USP22: variants seen among roughly 807,000 people sequenced by gnomAD.
USP22 encodes ubiquitin carboxyl-terminal hydrolase 22.
Under a neutral mutation model 68.1 loss-of-function variants are expected in USP22, and 22 were observed. The observed-to-expected ratio is 0.32, with a 90% CI of 0.23 to 0.46. The LOEUF (loss-of-function observed/expected upper bound fraction) is 0.46. Among genes scored for constraint, USP22 ranks in the 20% least tolerant of loss-of-function variants. The pLI, the probability that USP22 is intolerant of heterozygous loss-of-function variation, is 1.00. For synonymous variants in USP22, 279 were observed against 274.2 expected (o/e 1.02, Z -0.17); for missense variants, 433 against 695.8 (o/e 0.62, Z 4.25).
At chr17:21,014,769 A>C (rs1361160842) in intron 6 of USP22, among the ~76,000 whole-genome samples, 1 of 152,196 alleles carries the variant, frequency 6.6e-6, no homozygotes, top group Non-Finnish European at 1.5e-5. Flanking sequence ...AGTTAAAATT[A>C]ACTGATAGGA....
intron 12 of USP22, 133 bp from the exon 13 acceptor site, chr17:21,003,206 C>CT: frequency 9.7e-7 from 1 of 1,035,970 alleles, no homozygotes; most frequent in Non-Finnish European, 1.5e-6. Context: ...ATGGTTTTGG[C>CT]TTTTTAGTCC....
At chr17:21,033,276 G>T (rs1366145564) in intron 1 of USP22, among the ~76,000 whole-genome samples, 1 of 152,226 alleles carries the variant, frequency 6.6e-6, no homozygotes, top group African/African-American at 2.4e-5. Flanking sequence ...AGTAGATTCA[G>T]TAGACTGCAA....
intron 1 of USP22, among the ~76,000 whole-genome samples, chr17:21,039,054 C>A (rs1404524276): frequency 6.6e-6 from 1 of 151,940 alleles, no homozygotes; most frequent in Non-Finnish European, 1.5e-5. Flanking sequence ...CTGGTTCAAG[C>A]GATTCTCCTG....
intron 1 of USP22, among the ~76,000 whole-genome samples, chr17:21,038,845 A>G (rs369367090): frequency 3.9e-5 from 6 of 152,226 alleles, no homozygotes; most frequent in Non-Finnish European, 7.3e-5. Context: ...GCCAGTTCCT[A>G]TCTTTACAGA....
chr17:21,011,713 G>C (rs1913975215), intron 7 of USP22: 2 of 176,460 alleles, frequency 1.1e-5, no homozygotes, highest in South Asian at 1.2e-4. Flanking sequence ...ACATTTCACA[G>C]AGCGTGCCCA....
chr17:21,012,775 T>G, intron 7 of USP22, 55 bp downstream of exon 7: 1 of 1,489,912 alleles, frequency 6.7e-7, no homozygotes, highest in Admixed American at 1.7e-5. Context: ...ACTGGGAGGA[T>G]GTCAGTACGG....
chr17:21,025,365 T>C (rs1972207045), intron 2 of USP22, among the ~76,000 whole-genome samples: 3 of 152,002 alleles, frequency 2.0e-5, no homozygotes, highest in Admixed American at 6.5e-5. Context: ...AAAATAAAAG[T>C]GTTGGCAAGG....
Position 21,042,641 on chromosome 17 carries a change from C to T in USP22, c.171+24G>A, listed in dbSNP as rs777961862. 81 of 1,260,008 alleles carry T rather than the reference C, an allele frequency of 6.4e-5. No individual in the cohort carries two copies. In the African/African-American group the frequency reaches 1.0e-3, roughly 16 times the overall value. The allele number at this position is 1,260,008 out of a possible 1,614,324, so 78.1% of individuals were successfully genotyped here. ...GAGCGGCAGAAGGCCCCGAGCCCGC[C>T]GCGCGGTGGGCTGCCGGGCGCACCT... On this transcript the variant is annotated intron_variant, in intron 1 of 12. Transcript: ENST00000261497.
At chr17:21,005,502 T>C (rs1211785792) in intron 10 of USP22, among the ~76,000 whole-genome samples, 1 of 152,168 alleles carries the variant, frequency 6.6e-6, no homozygotes, top group East Asian at 1.9e-4. Context: ...TTTACTGCAT[T>C]TTCCTACAGC....
intron 2 of USP22, among the ~76,000 whole-genome samples, chr17:21,024,842 C>A (rs1413705181): frequency 3.9e-5 from 6 of 152,128 alleles, no homozygotes; most frequent in Non-Finnish European, 4.4e-5. Flanking sequence ...GTGGCGCGTA[C>A]CTGTGGTCCC....
At chr17:21,030,305 T>C (rs1363410851) in intron 1 of USP22, among the ~76,000 whole-genome samples, 1 of 151,566 alleles carries the variant, frequency 6.6e-6, no homozygotes, top group Admixed American at 6.6e-5. Flanking sequence ...ACCTATCCCT[T>C]TTTTCCCCCA....
chr17:21,009,088 T>C (rs1290498616), intron 8 of USP22, among the ~76,000 whole-genome samples: 3 of 61,224 alleles, frequency 4.9e-5, no homozygotes, highest in Admixed American at 2.1e-4. Flanking sequence ...CAAGACTCCA[T>C]TTCAAAAAAA....
chr17:21,042,156 T>A (rs1259561012), intron 1 of USP22: 2 of 152,474 alleles, frequency 1.3e-5, no homozygotes, highest in Non-Finnish European at 2.9e-5. Context: ...TTTGAAATAT[T>A]TCTTTCTCTG....
Position 21,042,982 on chromosome 17 carries a change from G to T in USP22, c.-147C>A, listed in dbSNP as rs183717671. On this transcript the variant is annotated 5_prime_UTR_variant, in exon 1 of 13. Transcript: ENST00000261497. ...AGCGCGGAGGCCGGACAAAGATGGG[G>T]CTGCGCGATCGCCGAGGGGAGGCTG... 2.2e-3 allele frequency: 910 copies of T among 408,764 alleles called. 14 individuals carry two copies. The highest frequency in any genetic ancestry group is 0.016 in the Admixed American group (319 of 20,578). 25.3% of individuals were successfully genotyped at this position (408,764 alleles called of 1,614,324 possible).
At chr17:21,036,365 G>A (rs901588330) in intron 1 of USP22, among the ~76,000 whole-genome samples, 5 of 152,128 alleles carry the variant, frequency 3.3e-5, no homozygotes, top group South Asian at 2.1e-4. Context: ...AGGCCCTATG[G>A]AATGCAGGCT....
chr17:21,042,282 A>C (rs1208434233), intron 1 of USP22: 1 of 157,820 alleles, frequency 6.3e-6, no homozygotes, highest in Non-Finnish European at 1.4e-5. Context: ...GCAGGGCAGG[A>C]GAACACCACC....
chr17:21,011,912 G>A (rs916791479), intron 7 of USP22, among the ~76,000 whole-genome samples: 23 of 152,188 alleles, frequency 1.5e-4, no homozygotes, highest in Non-Finnish European at 2.5e-4. Context: ...AAGGGACAGC[G>A]AGGAGGTCCA....
intron 1 of USP22, among the ~76,000 whole-genome samples, chr17:21,037,321 A>T (rs1274308673): frequency 6.6e-6 from 1 of 152,268 alleles, no homozygotes; most frequent in Non-Finnish European, 1.5e-5. Flanking sequence ...GTACCTATGC[A>T]GAGTGACTCC....
intron 1 of USP22, among the ~76,000 whole-genome samples, chr17:21,035,960 G>A (rs1314791058): frequency 6.8e-6 from 1 of 147,426 alleles, no homozygotes; most frequent in Admixed American, 7.0e-5. Flanking sequence ...GAACCCAGGA[G>A]GCGGAGCTTG....
Sources: gnomAD v4.1 joint callset for allele counts (sites outside exome capture counted in the v4.1 genomes callset) on GRCh38, gnomAD v4.1.1 for gene constraint, MANE v1.5 for transcripts, NCBI Gene and HGNC (gene_info 2026-07-23, HGNC 2026-07-21) for gene names.